XXYLT1: variants seen among roughly 807,000 people sequenced by gnomAD.
XXYLT1 encodes UDP-xylose:alpha-xyloside alpha-1,3-xylosyltransferase.
XXYLT1 carries 20 observed loss-of-function variants against 28.9 expected under a neutral mutation model. The ratio of observed to expected loss-of-function variants is 0.69; its 90% CI spans 0.49 to 1.00. The LOEUF is 1.00. XXYLT1 is among the 50% of genes least tolerant of loss of function. The pLI, the probability that XXYLT1 is intolerant of heterozygous loss-of-function variation, is 0.00. For missense variants in XXYLT1, 542 were observed against 560.1 expected (o/e 0.97, Z 0.33); for synonymous variants, 257 against 253.8 (o/e 1.01, Z -0.12).
intron 3 of XXYLT1, among the ~76,000 whole-genome samples, chr3:195,116,185 C>T (rs1419854022): frequency 6.6e-6 from 1 of 152,144 alleles, no homozygotes; most frequent in Non-Finnish European, 1.5e-5. Flanking sequence ...CATGCCACCA[C>T]GAGCGGTGGA....
chr3:195,181,011 C>T (rs962663452), intron 2 of XXYLT1, among the ~76,000 whole-genome samples: 3 of 152,158 alleles, frequency 2.0e-5, no homozygotes, highest in African/African-American at 7.2e-5. Context: ...GACTCCAGGC[C>T]GTGAGAGGGA....
At chr3:195,227,598 G>A (rs902677960) in intron 1 of XXYLT1, among the ~76,000 whole-genome samples, 3 of 152,112 alleles carry the variant, frequency 2.0e-5, no homozygotes, top group African/African-American at 4.8e-5. Flanking sequence ...TGATCCCCAC[G>A]ACAACCTAGG....
chr3:195,174,407 C>T (rs1721556951), intron 2 of XXYLT1, among the ~76,000 whole-genome samples: 1 of 152,152 alleles, frequency 6.6e-6, no homozygotes, highest in African/African-American at 2.4e-5. Context: ...GGCACAATCA[C>T]AGCTCACTGC....
rs1399463110 is a variant in XXYLT1, at chr3:195,077,856, C to G, written c.786-7745G>C. 1.3e-5 allele frequency among the ~76,000 whole-genome samples: 2 copies of G among 152,170 alleles called. No homozygotes were observed. The highest frequency in any genetic ancestry group is 1.5e-5 in the Non-Finnish European group (1 of 68,022). On this transcript the variant is annotated intron_variant, in intron 3 of 3. Coordinates refer to ENST00000310380, the MANE Select transcript of XXYLT1 (RefSeq NM_152531.5). The surrounding 1 kb of genome is among the most constrained non-coding windows in gnomAD (Gnocchi z 4.8). Reference sequence around the variant, plus strand: ...TGCCATGCCCTTCTCGAAGGCTTCTCCTGGCCCTCCGCTCCCCGTGCCCAG... The same window carrying G: ...TGCCATGCCCTTCTCGAAGGCTTCTGCTGGCCCTCCGCTCCCCGTGCCCAG...
At chr3:195,264,368 G>A (rs1052695653) in intron 1 of XXYLT1, among the ~76,000 whole-genome samples, 1 of 152,216 alleles carries the variant, frequency 6.6e-6, no homozygotes, top group South Asian at 2.1e-4. Flanking sequence ...CCAACCTGAG[G>A]CCCACACACT....
chr3:195,139,430 C>T (rs1348920032), intron 3 of XXYLT1, among the ~76,000 whole-genome samples: 1 of 152,188 alleles, frequency 6.6e-6, no homozygotes. Flanking sequence ...CTGCTGCTTA[C>T]GGATCTCTCA....
At chr3:195,088,199 T>G (rs1486855377) in intron 3 of XXYLT1, among the ~76,000 whole-genome samples, 3 of 151,486 alleles carry the variant, frequency 2.0e-5, no homozygotes, top group African/African-American at 7.3e-5. Flanking sequence ...CAAGGAGGCC[T>G]GCCTGCCTCT....
intron 1 of XXYLT1, among the ~76,000 whole-genome samples, chr3:195,233,889 GACTAA>G (rs1724408212): frequency 6.6e-6 from 1 of 152,074 alleles, no homozygotes; most frequent in Non-Finnish European, 1.5e-5. Flanking sequence ...TTTTATTTCA[GACTAA>G]ATAAATCCCT....
At chr3:195,269,449 A>T (rs1160580130) in intron 1 of XXYLT1, among the ~76,000 whole-genome samples, 2 of 152,236 alleles carry the variant, frequency 1.3e-5, no homozygotes, top group African/African-American at 4.8e-5. Flanking sequence ...GGCAGACAGT[A>T]CAGCATGTAT....
At chr3:195,225,764 G>A (rs1415314580) in intron 2 of XXYLT1, among the ~76,000 whole-genome samples, 1 of 151,674 alleles carries the variant, frequency 6.6e-6, no homozygotes, top group Non-Finnish European at 1.5e-5. Context: ...AATCATGGGG[G>A]GCAGTTATCC....
chr3:195,072,496 G>T (rs1186412941), intron 3 of XXYLT1, among the ~76,000 whole-genome samples: 1 of 152,190 alleles, frequency 6.6e-6, no homozygotes, highest in Non-Finnish European at 1.5e-5. Context: ...GCCGCAGGCA[G>T]AGAGAAGAGG....
chr3:195,208,386 T>C (rs111268703), intron 2 of XXYLT1, among the ~76,000 whole-genome samples: 5,349 of 152,206 alleles, frequency 0.035, 350 homozygotes, highest in African/African-American at 0.12. Context: ...TCAGCCCACC[T>C]GCCCACTGCC....
At chr3:195,213,207 G>A (rs538240878) in intron 2 of XXYLT1, among the ~76,000 whole-genome samples, 3 of 152,158 alleles carry the variant, frequency 2.0e-5, no homozygotes, top group African/African-American at 4.8e-5. Flanking sequence ...CATCCCAACA[G>A]AGAGCTACAC....
intron 3 of XXYLT1, among the ~76,000 whole-genome samples, chr3:195,089,913 A>G (rs1716035009): frequency 6.6e-6 from 1 of 152,132 alleles, no homozygotes; most frequent in Non-Finnish European, 1.5e-5. Flanking sequence ...AGCAACAAAG[A>G]TAAAAAGAGA....
chr3:195,161,628 A>G (rs1454559641), intron 2 of XXYLT1, among the ~76,000 whole-genome samples: 2 of 146,902 alleles, frequency 1.4e-5, no homozygotes, highest in South Asian at 2.2e-4. Flanking sequence ...ATATATAGAT[A>G]TATAGATTTT....
intron 2 of XXYLT1, among the ~76,000 whole-genome samples, chr3:195,181,848 C>T (rs949376253): frequency 3.3e-5 from 5 of 152,268 alleles, no homozygotes; most frequent in African/African-American, 1.2e-4. Context: ...GGGTAAACTG[C>T]CCAAGCTAAA....
intron 3 of XXYLT1, among the ~76,000 whole-genome samples, chr3:195,081,218 TA>T (rs111237694): frequency 1.1e-3 from 160 of 144,098 alleles, no homozygotes; most frequent in Middle Eastern, 3.6e-3. Flanking sequence ...AGAATCACAC[TA>T]AAAAAAAAAA....
chr3:195,085,205 G>C (rs981323740), intron 3 of XXYLT1, among the ~76,000 whole-genome samples: 4 of 152,228 alleles, frequency 2.6e-5, no homozygotes, highest in Non-Finnish European at 5.9e-5. Flanking sequence ...GGTCCCTGGA[G>C]AACAGTTCAG....
At chr3:195,205,379 G>A (rs928338635) in intron 2 of XXYLT1, among the ~76,000 whole-genome samples, 2 of 152,154 alleles carry the variant, frequency 1.3e-5, no homozygotes, top group South Asian at 2.1e-4. Context: ...ACCTCTTGAG[G>A]ATTATGTTGA....
Sources: allele counts gnomAD v4.1 joint callset (sites outside exome capture counted in the v4.1 genomes callset), GRCh38; gene constraint gnomAD v4.1.1; non-coding constraint Gnocchi (gnomAD v3.1); transcripts MANE v1.5; gene names NCBI Gene and HGNC (gene_info 2026-07-23, HGNC 2026-07-21).